The following NAT1 variants were observed in gnomAD, a reference collection of about 807,000 sequenced individuals.
NAT1 encodes the protein arylamine N-acetyltransferase 1.
For synonymous variants in NAT1, 144 were observed against 122.6 expected (o/e 1.17, Z -1.16); for missense variants, 400 against 339.2 (o/e 1.18, Z -1.41).
At position 18,222,377 on chromosome 8, in the gene NAT1, G is replaced by T; in HGVS notation, c.330G>T (p.Leu110=). ...GCACTGGCATGATTCACCTTCTCCTGCAGGTGACCATTGATGGCAGGAACT... is the reference window on the plus strand; with the variant it reads ...GCACTGGCATGATTCACCTTCTCCTTCAGGTGACCATTGATGGCAGGAACT... ...KYSTGMIHLL[L]QVTIDGRNYI... The change falls in exon 3 of 3, where the codon CTG becomes CTT. Residue 110 remains leucine, a synonymous_variant. Coordinates refer to ENST00000307719, the MANE Select transcript of NAT1 (RefSeq NM_000662.8). The T allele has an allele frequency of 6.2e-7, 1 of 1,614,088 alleles. No homozygotes were observed. The highest frequency in any genetic ancestry group is 8.5e-7 in the Non-Finnish European group (1 of 1,179,990).
rs539541084 is a variant in NAT1 at position 18,210,341 on chromosome 8, C to T, written c.-86+161C>T. On this transcript the variant is annotated intron_variant, in intron 1 of 2. Coordinates refer to ENST00000307719, the MANE Select transcript of NAT1 (RefSeq NM_000662.8). ...GGAAGCTAATGCTGTCACTACTCCA[C>T]AGCTTAGTGGTGACAGTTACAGGTC... is the stretch of plus-strand genomic sequence containing the variant. Among the ~76,000 whole-genome samples the T allele has an allele frequency of 2.6e-5, 4 of 152,292 alleles. No individual in the cohort carries two copies. The South Asian group carries it at 6.2e-4, about 24-fold the overall frequency.
At chr8:18,217,292 A>C (rs185148894) in intron 1 of NAT1, among the ~76,000 whole-genome samples, 1 of 146,022 alleles carries the variant, frequency 6.8e-6, no homozygotes, top group Admixed American at 6.8e-5. Flanking sequence ...AATTTCTCTC[A>C]CATTATCAGG....
intron 2 of NAT1, among the ~76,000 whole-genome samples, chr8:18,172,598 C>T (rs1207376611): frequency 2.6e-5 from 4 of 152,164 alleles, no homozygotes; most frequent in African/African-American, 9.6e-5. Context: ...GGTTCAAATT[C>T]TACCAATACC....
intron 2 of NAT1, among the ~76,000 whole-genome samples, chr8:18,182,059 C>A (rs2117224028): frequency 6.6e-6 from 1 of 152,290 alleles, no homozygotes; most frequent in Non-Finnish European, 1.5e-5. Context: ...TCTATGGTGC[C>A]TGGCATTGAG....
intron 1 of NAT1, among the ~76,000 whole-genome samples, chr8:18,210,401 A>G (rs1391462563): frequency 6.6e-6 from 1 of 152,194 alleles, no homozygotes; most frequent in East Asian, 1.9e-4. Flanking sequence ...AGTCACAGCC[A>G]CTTTATAGCT....
intron 1 of NAT1, among the ~76,000 whole-genome samples, chr8:18,218,937 A>G (rs534238279): frequency 2.6e-5 from 4 of 152,242 alleles, no homozygotes; most frequent in Middle Eastern, 3.4e-3. Context: ...GTTTCTTTTG[A>G]GTAGCATCAT....
chr8:18,176,480 T>A (rs897158325), intron 2 of NAT1, among the ~76,000 whole-genome samples: 1 of 152,140 alleles, frequency 6.6e-6, no homozygotes, highest in African/African-American at 2.4e-5. Context: ...CAATTTGTGT[T>A]CCTGGCACAT....
At chr8:18,193,404 C>T (rs762633349) in intron 2 of NAT1, among the ~76,000 whole-genome samples, 1 of 146,294 alleles carries the variant, frequency 6.8e-6, no homozygotes, top group Non-Finnish European at 1.5e-5. Flanking sequence ...TTGCAGTGAG[C>T]TGAGATCGTA....
At position 18,216,428 on chromosome 8, in the gene NAT1, G is replaced by A. The variant is rs560552905; in HGVS notation, c.-85-2983G>A. On this transcript the variant is annotated intron_variant, in intron 1 of 2. Coordinates refer to ENST00000307719, the MANE Select transcript of NAT1 (RefSeq NM_000662.8). ...TTGTCTTTTGCCACTTGACAAGCTC[G>A]AGTCAGGGCAATCAATTTGGCTGCT... is the stretch of plus-strand genomic sequence containing the variant. Among the ~76,000 whole-genome samples the A allele has an allele frequency of 1.7e-4, 26 of 152,212 alleles. No individual in the cohort carries two copies. In the East Asian group the frequency reaches 4.6e-3, roughly 27 times the overall value.
chr8:18,174,206 C>A (rs1802204171), intron 2 of NAT1, among the ~76,000 whole-genome samples: 2 of 152,144 alleles, frequency 1.3e-5, no homozygotes. Context: ...ATGTCTGTTT[C>A]CCAGGGTGAG....
intron 2 of NAT1, among the ~76,000 whole-genome samples, chr8:18,195,714 A>G (rs1803201389): frequency 6.6e-6 from 1 of 151,772 alleles, no homozygotes; most frequent in East Asian, 1.9e-4. Flanking sequence ...GGTCTAAAAT[A>G]GTGTGGTCTG....
At position 18,222,247 on chromosome 8, in the gene NAT1, G is replaced by A. The variant is rs1172703660; in HGVS notation, c.200G>A (p.Trp67Ter). Residue 67 changes from tryptophan to a stop codon, truncating the protein, a stop_gained, in exon 3 of 3, where the codon TGG (tryptophan) becomes TAG (stop). Coordinates refer to ENST00000307719, the MANE Select transcript of NAT1 (RefSeq NM_000662.8). LOFTEE classifies it low-confidence loss of function (END_TRUNC). ...DQVVRRNRGG[W>*]CLQVNHLLYW... Reference sequence around the variant, plus strand: ...GTTGTGAGAAGAAATCGGGGTGGATGGTGTCTCCAGGTCAATCATCTTCTG... The same window carrying A: ...GTTGTGAGAAGAAATCGGGGTGGATAGTGTCTCCAGGTCAATCATCTTCTG... 1.9e-6 allele frequency: 3 copies of A among 1,613,930 alleles called. No homozygotes were observed. Among genetic ancestry groups the A allele is most frequent in the Non-Finnish European group, 2.5e-6 (3 of 1,179,992 alleles).
chr8:18,214,459 G>C (rs557065788), intron 1 of NAT1, among the ~76,000 whole-genome samples: 2 of 152,288 alleles, frequency 1.3e-5, no homozygotes, highest in African/African-American at 4.8e-5. Flanking sequence ...TACTTCACCA[G>C]TGGATATTTT....
At chr8:18,203,905 G>C (rs1046621987) in intron 2 of NAT1, among the ~76,000 whole-genome samples, 3 of 152,136 alleles carry the variant, frequency 2.0e-5, no homozygotes, top group Admixed American at 1.3e-4. Flanking sequence ...GGCTAGACAC[G>C]TTAAAGATGG....
chr8:18,201,590 G>T (rs1385799242), intron 2 of NAT1, among the ~76,000 whole-genome samples: 1 of 152,204 alleles, frequency 6.6e-6, no homozygotes, highest in African/African-American at 2.4e-5. Context: ...GTCACCTGCA[G>T]GCTATAGAAA....
intron 1 of NAT1, chr8:18,216,985 A>G (rs1156346173): frequency 1.4e-5 from 21 of 1,550,262 alleles, no homozygotes; most frequent in Non-Finnish European, 1.7e-5. Flanking sequence ...GATGATCACC[A>G]TGTTTCTGGG....
intron 2 of NAT1, among the ~76,000 whole-genome samples, chr8:18,204,569 A>G (rs1187769482): frequency 6.6e-6 from 1 of 152,216 alleles, no homozygotes; most frequent in African/African-American, 2.4e-5. Context: ...GATACAGAAC[A>G]AAATATATTT....
chr8:18,218,064 G>A (rs886346777), intron 1 of NAT1, among the ~76,000 whole-genome samples: 7 of 152,154 alleles, frequency 4.6e-5, no homozygotes, highest in Non-Finnish European at 8.8e-5. Flanking sequence ...CTCTTCTGGT[G>A]TTAACAGGAA....
At chr8:18,199,158 A>G (rs2117285009) in intron 2 of NAT1, among the ~76,000 whole-genome samples, 1 of 151,954 alleles carries the variant, frequency 6.6e-6, no homozygotes, top group East Asian at 1.9e-4. Context: ...TACTAAAAAT[A>G]CAAACATTAG....
Sources: gnomAD v4.1 joint callset for allele counts (sites outside exome capture counted in the v4.1 genomes callset) on GRCh38, gnomAD v4.1.1 for gene constraint, MANE v1.5 for transcripts, NCBI Gene and HGNC (gene_info 2026-07-23, HGNC 2026-07-21) for gene names.